RPH3A: variants seen among roughly 807,000 people sequenced by gnomAD.
RPH3A encodes the protein rabphilin-3A.
A neutral mutation model predicts 102.2 loss-of-function variants in RPH3A; 48 were observed. The observed-to-expected ratio is 0.47, with a 90% CI of 0.37 to 0.60. The LOEUF (loss-of-function observed/expected upper bound fraction) is 0.60. Among genes scored for constraint, RPH3A ranks in the 20% least tolerant of loss-of-function variants. The pLI is 0.00. For missense variants in RPH3A, 781 were observed against 910.1 expected (o/e 0.86, Z 1.83); for synonymous variants, 310 against 324.3 (o/e 0.96, Z 0.47).
chr12:112,736,283 G>A (rs907730059), intron 1 of RPH3A, among the ~76,000 whole-genome samples: 3 of 152,150 alleles, frequency 2.0e-5, no homozygotes, highest in Admixed American at 6.5e-5. Flanking sequence ...TGTCCCTGAG[G>A]GACAAAACCA....
chr12:112,747,437 A>G (rs1322049284), intron 1 of RPH3A, among the ~76,000 whole-genome samples: 1 of 152,192 alleles, frequency 6.6e-6, no homozygotes, highest in Non-Finnish European at 1.5e-5. Context: ...TATAAGAAAT[A>G]AATTTCTGTT....
chr12:112,578,862 C>G (rs1350680939), intron 1 of RPH3A, among the ~76,000 whole-genome samples: 1 of 152,032 alleles, frequency 6.6e-6, no homozygotes, highest in Non-Finnish European at 1.5e-5. Context: ...CAACTCAGCT[C>G]TGGGCAATCA....
intron 1 of RPH3A, among the ~76,000 whole-genome samples, chr12:112,691,444 A>G (rs541994210): frequency 4.6e-5 from 7 of 152,376 alleles, no homozygotes; most frequent in South Asian, 2.1e-4. Context: ...TGCTGAGCAT[A>G]TGGTGCAATA....
At chr12:112,657,767 G>T (rs2040022903) in intron 1 of RPH3A, among the ~76,000 whole-genome samples, 2 of 152,136 alleles carry the variant, frequency 1.3e-5, no homozygotes, top group African/African-American at 4.8e-5. Context: ...AGTGAAGATT[G>T]CCATGAAAAA....
At chr12:112,709,846 C>CCCCCACTTTA (rs988602909) in intron 1 of RPH3A, among the ~76,000 whole-genome samples, 1 of 152,042 alleles carries the variant, frequency 6.6e-6, no homozygotes, top group Non-Finnish European at 1.5e-5. Context: ...GCTGATTATC[C>CCCCCACTTTA]CCCCACTTTA....
intron 1 of RPH3A, among the ~76,000 whole-genome samples, chr12:112,614,149 G>C (rs1380722774): frequency 6.6e-6 from 1 of 152,120 alleles, no homozygotes; most frequent in Non-Finnish European, 1.5e-5. Context: ...CTTGAGCCCA[G>C]TGAAACTGAT....
intron 1 of RPH3A, among the ~76,000 whole-genome samples, chr12:112,637,299 G>T (rs1207113992): frequency 6.6e-6 from 1 of 152,098 alleles, no homozygotes; most frequent in Admixed American, 6.5e-5. Flanking sequence ...TATGGGCAAT[G>T]CCAAACATGT....
intron 1 of RPH3A, among the ~76,000 whole-genome samples, chr12:112,649,872 C>A (rs934344861): frequency 3.3e-5 from 5 of 152,212 alleles, no homozygotes; most frequent in African/African-American, 4.8e-5. Flanking sequence ...TCTCACACAG[C>A]TTTGCTACGT....
chr12:112,783,088 C>T (rs1230135942), intron 1 of RPH3A, among the ~76,000 whole-genome samples: 1 of 152,150 alleles, frequency 6.6e-6, no homozygotes, highest in African/African-American at 2.4e-5. Context: ...ATTTCTGTAG[C>T]ACTTGTCACT....
rs762448603 is a variant in RPH3A at position 112,894,568 on chromosome 12, C to T, written c.1776-10C>T. 11 of 1,613,072 alleles carry T rather than the reference C, an allele frequency of 6.8e-6. No homozygotes were observed. Among genetic ancestry groups the T allele is most frequent in the African/African-American group, 5.3e-5 (4 of 74,986 alleles). On this transcript the variant is annotated splice_polypyrimidine_tract_variant and intron_variant, in intron 19 of 21. Coordinates refer to ENST00000389385, the MANE Select transcript of RPH3A (RefSeq NM_001143854.2). ...CGTCATCCATAATAGCATGTTGTGT[C>T]GCCTCCCAGCTGGCTGAAACCGGAC...
At chr12:112,691,560 A>T (rs893036098) in intron 1 of RPH3A, among the ~76,000 whole-genome samples, 1 of 152,206 alleles carries the variant, frequency 6.6e-6, no homozygotes, top group Non-Finnish European at 1.5e-5. Context: ...TAATTTTTAC[A>T]GCTCTGTTAT....
chr12:112,783,613 T>G (rs1293408150), intron 1 of RPH3A, among the ~76,000 whole-genome samples: 2 of 152,200 alleles, frequency 1.3e-5, no homozygotes, highest in Admixed American at 1.3e-4. Flanking sequence ...GGGCACCTAC[T>G]ATGTGCCAAG....
intron 1 of RPH3A, among the ~76,000 whole-genome samples, chr12:112,697,762 G>C (rs1360502980): frequency 6.6e-6 from 1 of 152,118 alleles, no homozygotes; most frequent in Admixed American, 6.5e-5. Flanking sequence ...CTACTCGGGA[G>C]GCTGAGGCAT....
intron 1 of RPH3A, among the ~76,000 whole-genome samples, chr12:112,733,073 C>T (rs943954459): frequency 1.3e-5 from 2 of 152,128 alleles, no homozygotes; most frequent in East Asian, 3.8e-4. Flanking sequence ...GGGTCACCTC[C>T]CCTGGCACTC....
intron 1 of RPH3A, among the ~76,000 whole-genome samples, chr12:112,689,225 T>C (rs1343907801): frequency 6.6e-6 from 1 of 152,154 alleles, no homozygotes; most frequent in African/African-American, 2.4e-5. Context: ...GACCATGGAA[T>C]TGGGAGACAA....
intron 1 of RPH3A, among the ~76,000 whole-genome samples, chr12:112,759,317 C>A (rs550246471): frequency 1.3e-5 from 2 of 152,290 alleles, no homozygotes; most frequent in African/African-American, 4.8e-5. Context: ...ACACAGAAGG[C>A]AGGTCATTGT....
At chr12:112,831,598 A>T in intron 3 of RPH3A, 1 of 244,666 alleles carries the variant, frequency 4.1e-6, no homozygotes, top group South Asian at 4.3e-5. Flanking sequence ...TTTTTGGTTC[A>T]ATGTTCAAAT....
At chr12:112,621,720 C>G (rs2039728217) in intron 1 of RPH3A, among the ~76,000 whole-genome samples, 2 of 152,244 alleles carry the variant, frequency 1.3e-5, no homozygotes, top group Non-Finnish European at 2.9e-5. Context: ...TTCAAGGAGG[C>G]CTGCCTGCCA....
Position 112,870,779 on chromosome 12 carries a change from G to A in RPH3A, c.796+740G>A, listed in dbSNP as rs779437514. Among the ~76,000 whole-genome samples the A allele has an allele frequency of 2.0e-5, 3 of 152,102 alleles. No homozygotes were observed. In the East Asian group the frequency reaches 5.8e-4, roughly 29 times the overall value. ...TTCCTCTTATTGGCAACAGAGCTGG[G>A]CACGTACCTTGTGCTTCATAATCTG... On this transcript the variant is annotated intron_variant, in intron 10 of 21. Coordinates refer to ENST00000389385, the MANE Select transcript of RPH3A (RefSeq NM_001143854.2).
Sources: gnomAD v4.1 joint callset for allele counts (sites outside exome capture counted in the v4.1 genomes callset) on GRCh38, gnomAD v4.1.1 for gene constraint, MANE v1.5 for transcripts, NCBI Gene and HGNC (gene_info 2026-07-23, HGNC 2026-07-21) for gene names.